Variants in MICU2 observed in about 807,000 individuals in gnomAD.
The protein encoded by MICU2 is calcium uptake protein 2, mitochondrial.
MICU2 carries 64 observed loss-of-function variants against 60.4 expected under a neutral mutation model. The observed-to-expected ratio is 1.06, with a 90% CI of 0.87 to 1.31. The LOEUF (loss-of-function observed/expected upper bound fraction) is 1.31. Among genes scored for constraint, MICU2 ranks in the 50% most tolerant of loss-of-function variants. MICU2 has a pLI of 0.00. For missense variants in MICU2, 569 were observed against 531.0 expected (o/e 1.07, Z -0.70); for synonymous variants, 201 against 175.0 (o/e 1.15, Z -1.17).
chr13:21,600,278 C>T (rs1056335418), intron 1 of MICU2, among the ~76,000 whole-genome samples: 2 of 152,296 alleles, frequency 1.3e-5, no homozygotes, highest in African/African-American at 4.8e-5. Context: ...CTGAGTCCAA[C>T]TCTTACTTCC....
chr13:21,552,715 G>A (rs948625334), intron 2 of MICU2, among the ~76,000 whole-genome samples: 1 of 152,080 alleles, frequency 6.6e-6, no homozygotes, highest in Non-Finnish European at 1.5e-5. Flanking sequence ...GTTTTTGTCA[G>A]GTTTGTCAAA....
intron 2 of MICU2, among the ~76,000 whole-genome samples, chr13:21,544,011 A>G (rs553453459): frequency 7.2e-5 from 11 of 152,178 alleles, no homozygotes; most frequent in Non-Finnish European, 1.5e-4. Context: ...ACATCCATGT[A>G]TCTACAGCCA....
intron 4 of MICU2, among the ~76,000 whole-genome samples, chr13:21,529,832 T>A (rs1886943824): frequency 1.3e-5 from 2 of 152,176 alleles, no homozygotes; most frequent in African/African-American, 4.8e-5. Context: ...CTGTGAAGGC[T>A]TCTCACAATT....
intron 1 of MICU2, among the ~76,000 whole-genome samples, chr13:21,568,456 T>C (rs916907043): frequency 4.6e-5 from 7 of 152,216 alleles, no homozygotes; most frequent in Admixed American, 1.3e-4. Flanking sequence ...CAAAAATAGC[T>C]GAAGGGGAAT....
At chr13:21,534,212 CTT>C (rs10587307) in intron 4 of MICU2, among the ~76,000 whole-genome samples, 2,331 of 147,394 alleles carry the variant, frequency 0.016, 57 homozygotes, top group African/African-American at 0.055. Flanking sequence ...TTTTCCTTTC[CTT>C]TTTTTTTTTA....
At chr13:21,529,540 G>A (rs1466136717) in intron 4 of MICU2, among the ~76,000 whole-genome samples, 2 of 152,232 alleles carry the variant, frequency 1.3e-5, no homozygotes, top group East Asian at 1.9e-4. Context: ...AAAATTCTAT[G>A]AAGTGCCAAT....
intron 2 of MICU2, among the ~76,000 whole-genome samples, chr13:21,549,673 T>C (rs566049280): frequency 6.6e-6 from 1 of 152,314 alleles, no homozygotes; most frequent in African/African-American, 2.4e-5. Context: ...TATACTGGTA[T>C]AAGGAATAGT....
chr13:21,506,646 A>G lies in MICU2; in HGVS notation c.761+3358T>C, dbSNP rs188188983. Among the ~76,000 whole-genome samples the G allele has an allele frequency of 2.0e-5, 3 of 152,244 alleles. No homozygotes were observed. The East Asian group carries it at 5.8e-4, about 29-fold the overall frequency. On this transcript the variant is annotated intron_variant, in intron 8 of 11. Transcript: ENST00000382374. ...GTTTAATAAATTCATTCATTTTCTT[A>G]TTGTCACTAAAAATTGTAACAGCAT...
At chr13:21,536,575 C>T (rs1887135576) in intron 4 of MICU2, among the ~76,000 whole-genome samples, 1 of 152,190 alleles carries the variant, frequency 6.6e-6, no homozygotes, top group Non-Finnish European at 1.5e-5. Context: ...TCAAGCTATC[C>T]TCTTGCTTCA....
intron 1 of MICU2, among the ~76,000 whole-genome samples, chr13:21,569,505 C>T (rs992478070): frequency 3.9e-5 from 6 of 152,040 alleles, no homozygotes; most frequent in African/African-American, 1.4e-4. Flanking sequence ...CCCAAGTCAC[C>T]ATCTCCTACT....
At chr13:21,508,017 G>A (rs548069727) in intron 8 of MICU2, among the ~76,000 whole-genome samples, 3 of 151,222 alleles carry the variant, frequency 2.0e-5, no homozygotes. Context: ...ATTCTTCTTC[G>A]TTCCTTAAAT....
At chr13:21,596,976 A>G (rs1410738156) in intron 1 of MICU2, among the ~76,000 whole-genome samples, 3 of 152,224 alleles carry the variant, frequency 2.0e-5, no homozygotes, top group Admixed American at 2.0e-4. Flanking sequence ...CTTGAGGTTT[A>G]CCAGTTGAAG....
intron 1 of MICU2, among the ~76,000 whole-genome samples, chr13:21,575,903 C>T (rs1055680699): frequency 2.6e-5 from 4 of 152,106 alleles, no homozygotes; most frequent in African/African-American, 7.2e-5. Flanking sequence ...TAAAATACTA[C>T]TTGTGAACTC....
chr13:21,500,630 G>A (rs919630754), intron 9 of MICU2, among the ~76,000 whole-genome samples: 1 of 151,738 alleles, frequency 6.6e-6, no homozygotes, highest in Non-Finnish European at 1.5e-5. Context: ...TGTTGGCCCG[G>A]CTAGTCTCGA....
In MICU2 at chr13:21,604,165, C is replaced by T. The variant is rs1304123796; in HGVS notation, c.-17G>A. 1 of 1,537,582 alleles carries T rather than the reference C, an allele frequency of 6.5e-7. No homozygotes were observed. Among genetic ancestry groups the T allele is most frequent in the Non-Finnish European group, 8.7e-7 (1 of 1,146,162 alleles). On this transcript the variant is annotated 5_prime_UTR_variant, in exon 1 of 12. Transcript: ENST00000382374. Reference sequence around the variant, plus strand: ...CGCCGCCATCTTTGCGGAAGCGCAGCTAGGCGGCGCTTCTCTCCCGGCGCC... The same window carrying T: ...CGCCGCCATCTTTGCGGAAGCGCAGTTAGGCGGCGCTTCTCTCCCGGCGCC...
intron 1 of MICU2, 198 bp downstream of exon 1, chr13:21,603,741 T>C: frequency 3.3e-6 from 2 of 603,304 alleles, no homozygotes. Flanking sequence ...GTCACCAGCC[T>C]CGAAGGCCCT....
chr13:21,495,398 A>G, intron 10 of MICU2, 80 bp from the exon 11 acceptor site: 1 of 1,327,776 alleles, frequency 7.5e-7, no homozygotes, highest in Non-Finnish European at 9.9e-7. Flanking sequence ...ATTATTTGAG[A>G]AGTAAAAGCA....
intron 2 of MICU2, among the ~76,000 whole-genome samples, chr13:21,555,481 T>TA (rs1285458136): frequency 2.0e-5 from 3 of 152,212 alleles, no homozygotes; most frequent in Non-Finnish European, 4.4e-5. Flanking sequence ...TGCTTCATGC[T>TA]AAAAACTCTC....
chr13:21,567,479 C>T (rs1449268896), intron 1 of MICU2, among the ~76,000 whole-genome samples: 2 of 152,116 alleles, frequency 1.3e-5, no homozygotes, highest in African/African-American at 2.4e-5. Flanking sequence ...AGAAGAGAGT[C>T]AGGAGGGCAA....
Sources: gnomAD v4.1 joint callset for allele counts (sites outside exome capture counted in the v4.1 genomes callset) on GRCh38, gnomAD v4.1.1 for gene constraint, MANE v1.5 for transcripts, NCBI Gene and HGNC (gene_info 2026-07-23, HGNC 2026-07-21) for gene names.